Variants in TMX2 observed in about 807,000 individuals in gnomAD.
TMX2 encodes the protein thioredoxin related transmembrane protein 2.
Under a neutral mutation model 33.4 loss-of-function variants are expected in TMX2, and 20 were observed. That is an observed-to-expected ratio of 0.60 (90% CI 0.42 to 0.87). The LOEUF (loss-of-function observed/expected upper bound fraction) is 0.87, where lower values mean the gene tolerates loss of function less well. Among genes scored for constraint, TMX2 ranks in the 40% least tolerant of loss-of-function variants. The probability of loss-of-function intolerance (pLI) is 0.00; values close to 1 mark genes in which losing one functional copy is unlikely to be tolerated. For synonymous variants in TMX2, 166 were observed against 140.7 expected (o/e 1.18, Z -1.27); for missense variants, 340 against 370.7 (o/e 0.92, Z 0.68).
chr11:57,724,904 G>A (rs1947875872), intron 1 of TMX2, among the ~76,000 whole-genome samples: 1 of 151,978 alleles, frequency 6.6e-6, no homozygotes. Context: ...TGGGTGCGGT[G>A]GCAGGCGCCT....
chr11:57,716,298 A>AC (rs1159880342), intron 1 of TMX2, among the ~76,000 whole-genome samples: 24 of 97,164 alleles, frequency 2.5e-4, no homozygotes, highest in African/African-American at 6.3e-4. Flanking sequence ...TGTGGGGCTG[A>AC]CCCCCCCACC....
intron 1 of TMX2, among the ~76,000 whole-genome samples, 156 bp downstream of exon 1, chr11:57,712,963 G>C (rs1265758397): frequency 6.6e-6 from 1 of 152,226 alleles, no homozygotes; most frequent in Non-Finnish European, 1.5e-5. Context: ...AACCATCATC[G>C]AGTCTAAACT....
At chr11:57,712,922 C>G (rs1946714732) in intron 1 of TMX2, 115 bp downstream of exon 1, 1 of 1,154,210 alleles carries the variant, frequency 8.7e-7, no homozygotes, top group African/African-American at 1.5e-5. Flanking sequence ...GAGCCTGTAG[C>G]GGACTTAGAG....
At chr11:57,718,445 G>A (rs1193183416) in intron 1 of TMX2, 1 of 1,154,706 alleles carries the variant, frequency 8.7e-7, no homozygotes, top group Non-Finnish European at 1.3e-6. Context: ...TGTTGTCTTT[G>A]GAACCTTGTC....
chr11:57,719,033 A>ATTTTTT (rs1191976911), intron 1 of TMX2, among the ~76,000 whole-genome samples: 3 of 70,610 alleles, frequency 4.2e-5, no homozygotes, highest in Admixed American at 1.6e-4. Flanking sequence ...ATATATATAT[A>ATTTTTT]TTTTTTTTTT....
intron 1 of TMX2, among the ~76,000 whole-genome samples, chr11:57,719,894 T>C (rs1947476465): frequency 6.6e-6 from 1 of 152,136 alleles, no homozygotes; most frequent in South Asian, 2.1e-4. Context: ...AACTGGTTGT[T>C]CCATGTATTT....
At position 57,740,457 on chromosome 11, in the gene TMX2, A is replaced by G. The variant is rs1052223595; in HGVS notation, c.*212A>G. On this transcript the variant is annotated 3_prime_UTR_variant, in exon 8 of 8. Coordinates refer to ENST00000278422, the MANE Select transcript of TMX2 (RefSeq NM_015959.4). ...CTGTGGCCAACTGTTTCACTGGAGCAAGAAAGAGATCTCATAGGACGGAGG... is the reference window on the plus strand; with the variant it reads ...CTGTGGCCAACTGTTTCACTGGAGCGAGAAAGAGATCTCATAGGACGGAGG... The G allele has an allele frequency of 5.6e-6, 3 of 534,130 alleles. No homozygotes were observed. The Admixed American group carries it at 1.1e-4, about 20-fold the overall frequency. 33.1% of individuals were successfully genotyped at this position (534,130 alleles called of 1,614,324 possible). A position where few individuals can be genotyped will look rare whatever the true frequency, so the allele number is the denominator to read the frequency against.
At chr11:57,738,893 C>G in intron 5 of TMX2, 81 bp from the exon 6 acceptor site, 3 of 1,545,896 alleles carry the variant, frequency 1.9e-6, no homozygotes, top group Admixed American at 1.7e-5. Flanking sequence ...GCATCTCCCT[C>G]TCCCCTCTTA....
intron 1 of TMX2, among the ~76,000 whole-genome samples, chr11:57,735,599 A>G (rs1017629370): frequency 6.6e-5 from 10 of 152,214 alleles, no homozygotes; most frequent in African/African-American, 2.4e-4. Flanking sequence ...AGCTAAAAAC[A>G]GACACTTGGA....
intron 1 of TMX2, among the ~76,000 whole-genome samples, chr11:57,718,944 C>T (rs536890301): frequency 3.0e-4 from 46 of 151,330 alleles, no homozygotes; most frequent in Non-Finnish European, 5.6e-4. Flanking sequence ...TGTGAGCCAC[C>T]GCGCCCAGCC....
rs575477030 is a variant in TMX2, at chr11:57,723,578, G to A, written c.189+10771G>A. Among the ~76,000 whole-genome samples the A allele has an allele frequency of 6.0e-5, 9 of 151,096 alleles. No individual in the cohort carries two copies. The South Asian group carries it at 1.5e-3, about 25-fold the overall frequency. On this transcript the variant is annotated intron_variant, in intron 1 of 7. Coordinates refer to ENST00000278422, the MANE Select transcript of TMX2 (RefSeq NM_015959.4). ...AGCACTTTGGGAGACTGAGGCAGGCGGATCACAAGGTCAGGAGTTCGAGAC... is the reference window on the plus strand; with the variant it reads ...AGCACTTTGGGAGACTGAGGCAGGCAGATCACAAGGTCAGGAGTTCGAGAC...
intron 1 of TMX2, among the ~76,000 whole-genome samples, chr11:57,725,030 CTG>C (rs1214750894): frequency 1.4e-5 from 2 of 140,378 alleles, no homozygotes; most frequent in Non-Finnish European, 3.0e-5. Flanking sequence ...CAGAGTGAGA[CTG>C]TGTCTCAAAA....
intron 7 of TMX2, 140 bp from the exon 8 acceptor site, chr11:57,739,959 A>T: frequency 8.5e-7 from 1 of 1,180,234 alleles, no homozygotes; most frequent in Non-Finnish European, 1.2e-6. Flanking sequence ...GGGTACCTAA[A>T]AAAGAGGAAG....
chr11:57,729,589 T>A (rs1384287639), intron 1 of TMX2, among the ~76,000 whole-genome samples: 1 of 152,212 alleles, frequency 6.6e-6, no homozygotes, highest in Non-Finnish European at 1.5e-5. Flanking sequence ...TAAATTTTGC[T>A]ATCTGATTTT....
At chr11:57,716,146 C>T (rs1230734019) in intron 1 of TMX2, among the ~76,000 whole-genome samples, 1 of 151,984 alleles carries the variant, frequency 6.6e-6, no homozygotes, top group Non-Finnish European at 1.5e-5. Context: ...TCCTCACTTC[C>T]TAGTAGGGGT....
chr11:57,715,417 A>G (rs887838087), intron 1 of TMX2, among the ~76,000 whole-genome samples: 13 of 150,504 alleles, frequency 8.6e-5, no homozygotes, highest in African/African-American at 2.2e-4. Flanking sequence ...AAATAAATAA[A>G]TAAAATTAAA....
rs752056989 is a variant in TMX2 at position 57,739,254 on chromosome 11, C to T, written c.738C>T (p.Phe246=). 6.2e-7 allele frequency: 1 copy of T among 1,614,114 alleles called. No individual in the cohort carries two copies. Among genetic ancestry groups the T allele is most frequent in the Non-Finnish European group, 8.5e-7 (1 of 1,180,050 alleles). Reference sequence around the variant, plus strand: ...AAGGACGGGCTGTCTCATGGACCTTCTCTGAGGTACCTGAAAGGAAGGGCA... The same window carrying T: ...AAGGACGGGCTGTCTCATGGACCTTTTCTGAGGTACCTGAAAGGAAGGGCA... ...DKKGRAVSWT[F]SEENVIREFN... Residue 246 remains phenylalanine (F), a synonymous_variant, in exon 7 of 8, where the codon TTC becomes TTT. Coordinates refer to ENST00000278422, the MANE Select transcript of TMX2 (RefSeq NM_015959.4).
At chr11:57,717,755 G>GAGAGGGAGAGGGAGAGGC (rs1947272915) in intron 1 of TMX2, among the ~76,000 whole-genome samples, 1 of 145,580 alleles carries the variant, frequency 6.9e-6, no homozygotes, top group South Asian at 2.2e-4. Context: ...AGGGGAGAGG[G>GAGAGGGAGAGGGAGAGGC]AGAGGCAGAG....
intron 7 of TMX2, 98 bp from the exon 8 acceptor site, chr11:57,740,001 C>T (rs1177681732): frequency 5.8e-6 from 9 of 1,562,840 alleles, no homozygotes; most frequent in Non-Finnish European, 7.8e-6. Context: ...TTGCTTACTC[C>T]TTCCTTTCCC....
Sources: allele counts gnomAD v4.1 joint callset (sites outside exome capture counted in the v4.1 genomes callset), GRCh38; gene constraint gnomAD v4.1.1; transcripts MANE v1.5; gene names NCBI Gene and HGNC (gene_info 2026-07-23, HGNC 2026-07-21).